SGCD: variants seen among roughly 807,000 people sequenced by gnomAD.
SGCD encodes the protein delta-sarcoglycan.
A neutral mutation model predicts 36.6 loss-of-function variants in SGCD; 18 were observed. That is an observed-to-expected ratio of 0.49 (90% CI 0.34 to 0.73). The LOEUF is 0.73. Ranked by LOEUF, SGCD falls within the 30% of genes least tolerant of loss-of-function variation. The pLI, the probability that SGCD is intolerant of heterozygous loss-of-function variation, is 0.01. For missense variants in SGCD, 387 were observed against 346.7 expected (o/e 1.12, Z -0.92); for synonymous variants, 133 against 130.6 (o/e 1.02, Z -0.12).
At chr5:156,101,808 C>T (rs927509480) in intron 1 of SGCD, among the ~76,000 whole-genome samples, 12 of 151,504 alleles carry the variant, frequency 7.9e-5, no homozygotes, top group African/African-American at 1.7e-4. Flanking sequence ...AAAGATCCAA[C>T]GAAAATCTTA....
chr5:155,743,342 TA>T, the SGCD span, among the ~76,000 whole-genome samples: 2 of 152,302 alleles, frequency 1.3e-5, no homozygotes, highest in Admixed American at 6.5e-5. Flanking sequence ...TGTCAGGAAC[TA>T]AGTTCAAAGA....
At chr5:156,182,866 A>C (rs1763643239) in intron 3 of SGCD, among the ~76,000 whole-genome samples, 1 of 152,142 alleles carries the variant, frequency 6.6e-6, no homozygotes, top group Non-Finnish European at 1.5e-5. Flanking sequence ...ACACTTGTAC[A>C]TTTTCACTTT....
chr5:156,210,818 G>A (rs1764420454), intron 3 of SGCD, among the ~76,000 whole-genome samples: 1 of 152,010 alleles, frequency 6.6e-6, no homozygotes, highest in African/African-American at 2.4e-5. Flanking sequence ...ATTTACAGAA[G>A]AGCATCAAAA....
intron 6 of SGCD, among the ~76,000 whole-genome samples, chr5:156,595,545 G>A (rs2113391681): frequency 6.6e-6 from 1 of 152,300 alleles, no homozygotes; most frequent in East Asian, 1.9e-4. Flanking sequence ...ACCTCCCTGA[G>A]TCTGGTCCCC....
chr5:156,281,508 T>C (rs974840849), intron 3 of SGCD, among the ~76,000 whole-genome samples: 1 of 152,098 alleles, frequency 6.6e-6, no homozygotes, highest in Non-Finnish European at 1.5e-5. Context: ...TGCTCACTTA[T>C]TTTTTCAACA....
chr5:156,327,182 C>A lies in SGCD; in HGVS notation c.-94C>A, dbSNP rs13170573. On this transcript the variant is annotated 5_prime_UTR_variant, in exon 1 of 9. The change creates a new upstream start codon in the 5' untranslated region. Transcript: ENST00000337851. ...CTCCTTCAGAGCTGCTCAGCACGCCCTGGGATCGCGGGCGGTTTTCATCGG... is the reference window on the plus strand; with the variant it reads ...CTCCTTCAGAGCTGCTCAGCACGCCATGGGATCGCGGGCGGTTTTCATCGG... The A allele has an allele frequency of 1.3e-5, 2 of 152,272 alleles. No homozygotes were observed. The highest frequency in any genetic ancestry group is 2.9e-5 in the Non-Finnish European group (2 of 68,136). 9.4% of individuals were successfully genotyped at this position (152,272 alleles called of 1,614,324 possible). A position where few individuals can be genotyped will look rare whatever the true frequency, so the allele number is the denominator to read the frequency against.
At chr5:156,440,782 T>G (rs1753454130) in intron 3 of SGCD, among the ~76,000 whole-genome samples, 1 of 152,136 alleles carries the variant, frequency 6.6e-6, no homozygotes, top group South Asian at 2.1e-4. Flanking sequence ...TCTATTCAAA[T>G]CCTTTTCTCC....
chr5:156,698,193 C>T (rs1754392976), intron 7 of SGCD, among the ~76,000 whole-genome samples: 1 of 152,082 alleles, frequency 6.6e-6, no homozygotes, highest in Admixed American at 6.5e-5. Flanking sequence ...AATTTAGAAA[C>T]CTCATTTCAG....
rs559483068 is a variant in SGCD at position 156,488,098 on chromosome 5, G to GTTTTT, written c.193-20481_193-20477dup. ...AAAGAACTTCTGAACTTGAAGACAG[G>GTTTTT]TTTTTTTTTTTTTTTTTTTTTTTTT... is the stretch of plus-strand genomic sequence containing the variant. On this transcript the variant is annotated intron_variant, in intron 3 of 8. Coordinates refer to ENST00000337851, the MANE Select transcript of SGCD (RefSeq NM_000337.6). Among the ~76,000 whole-genome samples the GTTTTT allele has an allele frequency of 2.3e-4, 21 of 92,536 alleles. No homozygotes were observed. In the East Asian group the frequency reaches 2.5e-3, roughly 11 times the overall value. The allele number at this position is 92,536 out of a possible 152,430, so 60.7% of individuals were successfully genotyped here.
intron 7 of SGCD, among the ~76,000 whole-genome samples, chr5:156,687,607 T>C (rs1480008558): frequency 6.6e-6 from 1 of 152,156 alleles, no homozygotes; most frequent in Non-Finnish European, 1.5e-5. Flanking sequence ...GCAGATAATG[T>C]ACTTGGTAAA....
chr5:156,344,631 A>T lies in SGCD; in HGVS notation c.146A>T (p.Asn49Ile). 6.2e-7 allele frequency: 1 copy of T among 1,612,204 alleles called. No homozygotes were observed. The highest frequency in any genetic ancestry group is 8.5e-7 in the Non-Finnish European group (1 of 1,179,096). The change falls in exon 3 of 9, where the codon AAC becomes ATC. Residue 49 changes from asparagine to isoleucine, a missense_variant. By Grantham distance (149) the Asn-to-Ile change is moderately radical. Transcript: ENST00000337851. The part of the protein sequence containing the change: ...VLLLMILILV[N>I]LAMTIWILKV... ...CTCCTCATGATTTTAATACTGGTGAACTTGGCCATGACCATCTGGATTCTC... is the reference window on the plus strand; with the variant it reads ...CTCCTCATGATTTTAATACTGGTGATCTTGGCCATGACCATCTGGATTCTC...
At chr5:155,844,059 T>C in the SGCD span, among the ~76,000 whole-genome samples, 1 of 152,158 alleles carries the variant, frequency 6.6e-6, no homozygotes, top group Non-Finnish European at 1.5e-5. Context: ...GTAAAACTGA[T>C]ACTTTGAACA....
At chr5:156,279,090 C>T (rs561541330) in intron 3 of SGCD, among the ~76,000 whole-genome samples, 1 of 151,994 alleles carries the variant, frequency 6.6e-6, no homozygotes, top group Non-Finnish European at 1.5e-5. Flanking sequence ...ATTCTTCAGT[C>T]CAAAATTTCA....
chr5:156,668,150 C>T (rs987990759), intron 7 of SGCD, among the ~76,000 whole-genome samples: 10 of 152,138 alleles, frequency 6.6e-5, no homozygotes, highest in African/African-American at 2.4e-4. Context: ...TAGTACCTGC[C>T]CAGAAAACAG....
At chr5:156,102,780 T>C (rs1309516235) in intron 1 of SGCD, among the ~76,000 whole-genome samples, 1 of 152,216 alleles carries the variant, frequency 6.6e-6, no homozygotes, top group African/African-American at 2.4e-5. Flanking sequence ...TAAGTAGCAT[T>C]TTATTTTGAA....
In SGCD at chr5:156,281,555, A is replaced by T. The variant is rs531164151; in HGVS notation, c.-43-47979A>T. 2.3e-3 allele frequency among the ~76,000 whole-genome samples: 346 copies of T among 152,140 alleles called. 3 individuals carry two copies. The highest frequency in any genetic ancestry group is 7.9e-3 in the African/African-American group (328 of 41,480). On this transcript the variant is annotated intron_variant, in intron 3 of 9. Transcript: ENST00000517913. ...AGGCCCCTGCCAGGTGCTAATTCCT[A>T]CTCCAGAGGAAGGGATGTGATAGTG...
rs77043724 is a variant in SGCD at position 156,708,746 on chromosome 5, G to A, written c.576-48835G>A. 5.9e-5 allele frequency among the ~76,000 whole-genome samples: 9 copies of A among 152,250 alleles called. 1 individual carries two copies. Among genetic ancestry groups the A allele is most frequent in the African/African-American group, 1.7e-4 (7 of 41,536 alleles). ...AGGGAATGTAAATACGTGTGTGTGC[G>A]TGTGTGAGAGAGGGACCTCACAGAA... On this transcript the variant is annotated intron_variant, in intron 7 of 8. Coordinates refer to ENST00000337851, the MANE Select transcript of SGCD (RefSeq NM_000337.6).
the SGCD span, among the ~76,000 whole-genome samples, chr5:155,818,277 A>G: frequency 6.6e-6 from 1 of 152,148 alleles, no homozygotes; most frequent in Non-Finnish European, 1.5e-5. Context: ...AAGTCTTGAC[A>G]GGAGATTCTA....
At chr5:156,038,988 A>T (rs966122204) in intron 1 of SGCD, among the ~76,000 whole-genome samples, 6 of 152,140 alleles carry the variant, frequency 3.9e-5, no homozygotes, top group Admixed American at 3.9e-4. Context: ...TCGCTCTTCA[A>T]TTCAGACATC....
Sources: gnomAD v4.1 joint callset for allele counts (sites outside exome capture counted in the v4.1 genomes callset) on GRCh38, gnomAD v4.1.1 for gene constraint, MANE v1.5 for transcripts, NCBI Gene and HGNC (gene_info 2026-07-23, HGNC 2026-07-21) for gene names.